The following NXPE2 variants were observed in gnomAD, a reference collection of about 807,000 sequenced individuals.
NXPE2 encodes NXPE family member 2.
In NXPE2, 34 loss-of-function variants were observed where a neutral mutation model predicts 34.4. That is an observed-to-expected ratio of 0.99 (90% confidence interval 0.75 to 1.31). The LOEUF (loss-of-function observed/expected upper bound fraction) is 1.31. Ranked by LOEUF, NXPE2 falls within the 40% of genes most tolerant of loss-of-function variation. NXPE2 has a pLI of 0.00. For missense variants in NXPE2, 649 were observed against 672.5 expected (o/e 0.97, Z 0.39); for synonymous variants, 235 against 231.3 (o/e 1.02, Z -0.15).
the NXPE2 span, among the ~76,000 whole-genome samples, chr11:114,795,338 A>C: frequency 1.3e-5 from 2 of 152,172 alleles, no homozygotes; most frequent in Non-Finnish European, 2.9e-5. Flanking sequence ...TCCTGCATTC[A>C]GCTTCCCTAT....
chr11:114,709,585 T>C (rs1859571288), downstream of NXPE2, among the ~76,000 whole-genome samples: 1 of 152,212 alleles, frequency 6.6e-6, no homozygotes, highest in African/African-American at 2.4e-5. Context: ...AACCCATTTA[T>C]GCACAATGGA....
At chr11:114,785,157 C>A in the NXPE2 span, among the ~76,000 whole-genome samples, 1 of 152,062 alleles carries the variant, frequency 6.6e-6, no homozygotes, top group African/African-American at 2.4e-5. Context: ...GACACAGGCA[C>A]TGTAGGGTCC....
chr11:114,514,082 C>T, the NXPE2 span, among the ~76,000 whole-genome samples: 1 of 152,034 alleles, frequency 6.6e-6, no homozygotes, highest in Non-Finnish European at 1.5e-5. Context: ...GCATATATAA[C>T]ATATGTTTTC....
chr11:114,725,976 A>AATATATATATATATATAT, the NXPE2 span, among the ~76,000 whole-genome samples: 2 of 101,766 alleles, frequency 2.0e-5, no homozygotes, highest in African/African-American at 3.4e-5. Context: ...ATAAAAAAAA[A>AATATATATATATATATAT]ATATATATAT....
At chr11:114,561,346 A>G in the NXPE2 span, among the ~76,000 whole-genome samples, 1 of 152,200 alleles carries the variant, frequency 6.6e-6, no homozygotes, top group Non-Finnish European at 1.5e-5. Flanking sequence ...CACTCAGCGT[A>G]ACGTCCACGA....
At chr11:114,563,175 A>G in the NXPE2 span, among the ~76,000 whole-genome samples, 1 of 152,102 alleles carries the variant, frequency 6.6e-6, no homozygotes, top group Non-Finnish European at 1.5e-5. Flanking sequence ...CTCTTTCTGG[A>G]AGTAGGAATA....
At chr11:114,802,606 G>C in the NXPE2 span, among the ~76,000 whole-genome samples, 3 of 152,138 alleles carry the variant, frequency 2.0e-5, no homozygotes, top group Non-Finnish European at 2.9e-5. Context: ...CATTGAGCTA[G>C]ACAGTCTTTT....
At chr11:114,582,695 C>T in the NXPE2 span, 2 of 1,614,144 alleles carry the variant, frequency 1.2e-6, no homozygotes, top group Non-Finnish European at 1.7e-6. Context: ...GGGAAGACAT[C>T]CTGGCCCTCA....
chr11:114,761,991 G>A, the NXPE2 span, among the ~76,000 whole-genome samples: 12 of 152,192 alleles, frequency 7.9e-5, no homozygotes, highest in Admixed American at 7.9e-4. Context: ...GTGCCTTCAA[G>A]GTACTTAAGA....
At chr11:114,627,069 A>G in the NXPE2 span, among the ~76,000 whole-genome samples, 1 of 152,122 alleles carries the variant, frequency 6.6e-6, no homozygotes, top group African/African-American at 2.4e-5. Flanking sequence ...TGACGGGGTG[A>G]ATGGAACCAA....
At chr11:114,765,363 C>A in the NXPE2 span, among the ~76,000 whole-genome samples, 8 of 152,268 alleles carry the variant, frequency 5.3e-5, no homozygotes, top group East Asian at 1.9e-4. Context: ...GCCATTTTTC[C>A]AACAGCACGT....
At chr11:114,542,600 CT>C in the NXPE2 span, among the ~76,000 whole-genome samples, 1 of 151,992 alleles carries the variant, frequency 6.6e-6, no homozygotes, top group African/African-American at 2.4e-5. Context: ...GCAGAATTAG[CT>C]TGTCATTTGC....
chr11:114,718,170 C>A, the NXPE2 span, among the ~76,000 whole-genome samples: 1 of 152,220 alleles, frequency 6.6e-6, no homozygotes, highest in Non-Finnish European at 1.5e-5. Flanking sequence ...CTCTGAATAG[C>A]CTGGATTCAA....
the NXPE2 span, among the ~76,000 whole-genome samples, chr11:114,539,423 T>C: frequency 1.5e-5 from 2 of 136,226 alleles, no homozygotes; most frequent in Non-Finnish European, 3.0e-5. Context: ...CCCTAAAACT[T>C]AAAGTATAAT....
chr11:114,662,479 A>T, the NXPE2 span, among the ~76,000 whole-genome samples: 1 of 152,176 alleles, frequency 6.6e-6, no homozygotes, highest in Non-Finnish European at 1.5e-5. Flanking sequence ...CAAGGACTGC[A>T]ACTTTTAGAT....
the NXPE2 span, chr11:114,582,478 G>C: frequency 6.2e-7 from 1 of 1,614,172 alleles, no homozygotes; most frequent in Non-Finnish European, 8.5e-7. Context: ...GAGTGGACTT[G>C]GGAAGTGCCA....
the NXPE2 span, among the ~76,000 whole-genome samples, chr11:114,665,353 T>C: frequency 6.6e-6 from 1 of 152,178 alleles, no homozygotes; most frequent in Non-Finnish European, 1.5e-5. Flanking sequence ...GATGATCTAT[T>C]AACAATGATG....
the NXPE2 span, among the ~76,000 whole-genome samples, chr11:114,633,668 T>C: frequency 2.8e-5 from 4 of 143,700 alleles, no homozygotes; most frequent in Non-Finnish European, 6.1e-5. Context: ...CCTGTGTCCA[T>C]GTGTTCTCAT....
the NXPE2 span, among the ~76,000 whole-genome samples, chr11:114,609,298 A>G: frequency 6.6e-6 from 1 of 151,216 alleles, no homozygotes; most frequent in South Asian, 2.1e-4. Flanking sequence ...CCGGTGGATA[A>G]TAAGTATTGC....
Sources: allele counts gnomAD v4.1 joint callset (sites outside exome capture counted in the v4.1 genomes callset), GRCh38; gene constraint gnomAD v4.1.1; transcripts MANE v1.5; gene names NCBI Gene and HGNC (gene_info 2026-07-23, HGNC 2026-07-21).